The following ATG14 variants were observed in gnomAD, a reference collection of about 807,000 sequenced individuals.
ATG14 encodes the protein beclin 1-associated autophagy-related key regulator.
A neutral mutation model predicts 60.4 loss-of-function variants in ATG14; 35 were observed. The observed-to-expected ratio is 0.58, with a 90% confidence interval of 0.44 to 0.77. ATG14 has a LOEUF of 0.77. Among genes scored for constraint, ATG14 ranks in the 30% least tolerant of loss-of-function variants. ATG14 has a pLI of 0.00. For synonymous variants in ATG14, 234 were observed against 228.8 expected (o/e 1.02, Z -0.21); for missense variants, 647 against 626.3 (o/e 1.03, Z -0.35).
At position 55,367,840 on chromosome 14, in the gene ATG14, T is replaced by C. The variant is rs1048405151; in HGVS notation, c.*1779A>G. On this transcript the variant is annotated 3_prime_UTR_variant, in exon 10 of 10. Transcript: ENST00000247178. ...GGAATTTGTGACTACCGGATAGAAA[T>C]AAACTCCGTTCTGCAACTCTACCCA... is the stretch of plus-strand genomic sequence containing the variant. 6.6e-6 allele frequency: 1 copy of C among 151,690 alleles called. No individual in the cohort carries two copies. The highest frequency in any genetic ancestry group is 1.5e-5 in the Non-Finnish European group (1 of 67,970). The allele number at this position is 151,690 out of a possible 1,614,324, so 9.4% of individuals were successfully genotyped here.
In ATG14 at chr14:55,411,585, C is replaced by CGTGGCGGCCGCCGTACCTCTCCCG. The variant is rs1444643033; in HGVS notation, c.214_221+16dup. 6.3e-7 allele frequency: 1 copy of CGTGGCGGCCGCCGTACCTCTCCCG among 1,592,702 alleles called. No homozygotes were observed. Among genetic ancestry groups the CGTGGCGGCCGCCGTACCTCTCCCG allele is most frequent in the Non-Finnish European group, 8.5e-7 (1 of 1,170,476 alleles). ...CACACAGCAGAAGAAACAATAGGGCCGTGGCGGCCGCCGTACCTCTCCCGG... is the reference window on the plus strand; with the variant it reads ...CACACAGCAGAAGAAACAATAGGGCCGTGGCGGCCGCCGTACCTCTCCCGGTGGCGGCCGCCGTACCTCTCCCGG... On this transcript the variant is annotated intron_variant, in intron 1 of 9. Transcript: ENST00000247178.
intron 1 of ATG14, among the ~76,000 whole-genome samples, chr14:55,410,680 A>T (rs946057): frequency 0.44 from 66,481 of 152,074 alleles, 15,217 homozygotes; most frequent in African/African-American, 0.57. Context: ...TTCTTGTACC[A>T]ACACTTAACT....
intron 1 of ATG14, among the ~76,000 whole-genome samples, chr14:55,404,535 G>A (rs1257563215): frequency 6.6e-6 from 1 of 152,158 alleles, no homozygotes. Context: ...CATGAAGTAT[G>A]TCTTTTGGTG....
intron 9 of ATG14, among the ~76,000 whole-genome samples, chr14:55,375,470 G>A (rs1884899878): frequency 6.8e-6 from 1 of 146,052 alleles, no homozygotes; most frequent in Non-Finnish European, 1.5e-5. Flanking sequence ...CTACAGGCAT[G>A]CATTACCACG....
chr14:55,368,819 T>C lies in ATG14; in HGVS notation c.*800A>G, dbSNP rs1884744587. ...ATGACTTATTTTCACCCAGAAAATA[T>C]AAGTTCAATTTCAAAATGCTCATAG... On this transcript the variant is annotated 3_prime_UTR_variant, in exon 10 of 10. Coordinates refer to ENST00000247178, the MANE Select transcript of ATG14 (RefSeq NM_014924.5). 1 of 152,208 alleles carries C rather than the reference T, an allele frequency of 6.6e-6. No individual in the cohort carries two copies. Among genetic ancestry groups the C allele is most frequent in the African/African-American group, 2.4e-5 (1 of 41,440 alleles). The allele number at this position is 152,208 out of a possible 1,614,324, so 9.4% of individuals were successfully genotyped here.
chr14:55,373,682 C>G (rs1390040233), intron 9 of ATG14, among the ~76,000 whole-genome samples: 1 of 152,034 alleles, frequency 6.6e-6, no homozygotes. Context: ...TGGTCTCAAA[C>G]TCCTGAACTC....
intron 3 of ATG14, chr14:55,394,964 G>T: frequency 4.9e-6 from 2 of 407,552 alleles, no homozygotes; most frequent in South Asian, 1.8e-5. Context: ...AAAAAGCACT[G>T]ACACTTCAAA....
In ATG14 at chr14:55,369,618, G is replaced by T. The variant is rs766570685; in HGVS notation, c.*1C>A. ...ATTTGGTATGTTTTGGTCCATGCTC[G>T]TTAACGGTGTCCAGTGTAAGCTTTA... is the stretch of plus-strand genomic sequence containing the variant. On this transcript the variant is annotated 3_prime_UTR_variant, in exon 10 of 10. Transcript: ENST00000247178. 6.6e-7 allele frequency: 1 copy of T among 1,510,788 alleles called. No individual in the cohort carries two copies. Among genetic ancestry groups the T allele is most frequent in the Non-Finnish European group, 8.9e-7 (1 of 1,127,958 alleles). 93.6% of individuals were successfully genotyped at this position (1,510,788 alleles called of 1,614,324 possible).
At chr14:55,381,762 A>T (rs1326900909) in intron 6 of ATG14, among the ~76,000 whole-genome samples, 200 bp downstream of exon 6, 1 of 151,996 alleles carries the variant, frequency 6.6e-6, no homozygotes, top group East Asian at 1.9e-4. Context: ...AGAGTGGGGA[A>T]ATGTGACACT....
At position 55,394,841 on chromosome 14, in the gene ATG14, G is replaced by A. The variant is rs73280924; in HGVS notation, c.327+1099C>T. The A allele has an allele frequency of 5.2e-3, 1,601 of 307,216 alleles. 34 individuals are homozygous for A. Among genetic ancestry groups the A allele is most frequent in the African/African-American group, 0.034 (1,521 of 45,152 alleles). 19.0% of individuals were successfully genotyped at this position (307,216 alleles called of 1,614,324 possible). Reference sequence around the variant, plus strand: ...ATATAAAAACTAACCCCCCAACTACGGAATGCTAAGCTGACACCCAAGACA... The same window carrying A: ...ATATAAAAACTAACCCCCCAACTACAGAATGCTAAGCTGACACCCAAGACA... On this transcript the variant is annotated intron_variant, in intron 3 of 9. Transcript: ENST00000247178.
chr14:55,384,093 C>T (rs1350092312), intron 5 of ATG14, among the ~76,000 whole-genome samples: 1 of 152,170 alleles, frequency 6.6e-6, no homozygotes, highest in Non-Finnish European at 1.5e-5. Context: ...CGTCTCCCTT[C>T]TCCCACAAGA....
At chr14:55,398,189 G>A (rs1216265008) in intron 1 of ATG14, among the ~76,000 whole-genome samples, 1 of 152,036 alleles carries the variant, frequency 6.6e-6, no homozygotes, top group East Asian at 1.9e-4. Context: ...CTGACCTGGT[G>A]GTCTGCCCGC....
intron 1 of ATG14, among the ~76,000 whole-genome samples, chr14:55,401,551 T>C (rs1039853916): frequency 6.6e-6 from 1 of 152,242 alleles, no homozygotes; most frequent in South Asian, 2.1e-4. Flanking sequence ...ACTAAATTAT[T>C]CCATACTTAT....
intron 1 of ATG14, among the ~76,000 whole-genome samples, chr14:55,405,218 A>G (rs1443872730): frequency 6.6e-6 from 1 of 152,234 alleles, no homozygotes; most frequent in African/African-American, 2.4e-5. Flanking sequence ...TTTACGGGCC[A>G]CAGTGGCTGA....
In ATG14 at chr14:55,380,617, C is replaced by T. The variant is rs1425192286; in HGVS notation, c.951G>A (p.Leu317=). 3.8e-5 allele frequency: 61 copies of T among 1,613,096 alleles called. No individual in the cohort carries two copies. Among genetic ancestry groups the T allele is most frequent in the Non-Finnish European group, 5.2e-5 (61 of 1,179,654 alleles). ...LCYATQLVNI[L]SHILDVNLPK... Reference sequence around the variant, plus strand: ...GAAGATTTACATCAAGTATATGAGACAGAATGTTGACCAGCTGAGTTGCAT... The same window carrying T: ...GAAGATTTACATCAAGTATATGAGATAGAATGTTGACCAGCTGAGTTGCAT... Residue 317 remains leucine (L), a synonymous_variant, in exon 7 of 10, where the codon CTG becomes CTA. Coordinates refer to ENST00000247178, the MANE Select transcript of ATG14 (RefSeq NM_014924.5).
At chr14:55,395,830 G>C (rs1885305842) in intron 3 of ATG14, 110 bp downstream of exon 3, 1 of 691,370 alleles carries the variant, frequency 1.4e-6, no homozygotes, top group Non-Finnish European at 2.1e-6. Flanking sequence ...GGATTAAGTA[G>C]AGGACTGCTA....
rs534973787 is a variant in ATG14, at chr14:55,388,760, G to A, written c.409+2151C>T. ...CTAAAATTGTTTGCAAATTTTCTAA[G>A]TCTGGTCTAGAGGGTGGGAAGGAGA... On this transcript the variant is annotated intron_variant, in intron 4 of 9. Transcript: ENST00000247178. 5.9e-5 allele frequency among the ~76,000 whole-genome samples: 9 copies of A among 152,256 alleles called. 1 individual carries two copies. Among genetic ancestry groups the A allele is most frequent in the Admixed American group, 2.0e-4 (3 of 15,292 alleles).
chr14:55,371,691 C>T (rs1451700607), intron 9 of ATG14, among the ~76,000 whole-genome samples: 2 of 152,088 alleles, frequency 1.3e-5, no homozygotes, highest in Non-Finnish European at 2.9e-5. Context: ...GTAGTCCCGG[C>T]TACTCAGGAG....
chr14:55,382,515 G>C (rs937516206), intron 5 of ATG14, among the ~76,000 whole-genome samples: 1 of 151,870 alleles, frequency 6.6e-6, no homozygotes, highest in African/African-American at 2.4e-5. Context: ...GTAGAGATGG[G>C]GTCTCACTTT....
Sources: allele counts gnomAD v4.1 joint callset (sites outside exome capture counted in the v4.1 genomes callset), GRCh38; gene constraint gnomAD v4.1.1; transcripts MANE v1.5; gene names NCBI Gene and HGNC (gene_info 2026-07-23, HGNC 2026-07-21).